TRAK1: variants seen among roughly 807,000 people sequenced by gnomAD.
The protein encoded by TRAK1 is trafficking kinesin-binding protein 1.
In TRAK1, 33 loss-of-function variants were observed where a neutral mutation model predicts 92.1. That is an observed-to-expected ratio of 0.36 (90% CI 0.27 to 0.48). TRAK1 has a LOEUF of 0.48. TRAK1 is among the 20% of genes least tolerant of loss of function. The pLI is 0.99. For synonymous variants in TRAK1, 521 were observed against 517.3 expected, an observed-to-expected ratio of 1.01 and a Z score of -0.10; for missense variants, 1,123 against 1,257.9, an observed-to-expected ratio of 0.89 and a Z score of 1.62.
At chr3:42,123,643 G>A (rs1412608556) in intron 1 of TRAK1, among the ~76,000 whole-genome samples, 2 of 152,084 alleles carry the variant, frequency 1.3e-5, no homozygotes, top group African/African-American at 4.8e-5. Flanking sequence ...CATACTTTTG[G>A]TTCGTCCTCA....
At chr3:42,022,871 A>G (rs999012794) in intron 1 of TRAK1, among the ~76,000 whole-genome samples, 3 of 152,046 alleles carry the variant, frequency 2.0e-5, no homozygotes, top group Non-Finnish European at 4.4e-5. Context: ...GAAAATAAAT[A>G]TTCCTGGCCA....
At chr3:42,053,349 A>G (rs1703057067) in intron 1 of TRAK1, among the ~76,000 whole-genome samples, 1 of 123,598 alleles carries the variant, frequency 8.1e-6, no homozygotes, top group Non-Finnish European at 1.6e-5. Flanking sequence ...CAGAGAGAAA[A>G]GACTGCAGTC....
rs117081333 is a variant in TRAK1, at chr3:42,150,702, G to A, written c.286+25088G>A. Reference sequence around the variant, plus strand: ...TATCTCTTATCCACTGATTTTTGCCGCGACTGTGGGTTAAGGCTTTCTCAG... The same window carrying A: ...TATCTCTTATCCACTGATTTTTGCCACGACTGTGGGTTAAGGCTTTCTCAG... On this transcript the variant is annotated intron_variant, in intron 2 of 15. Transcript: ENST00000327628. Among the ~76,000 whole-genome samples the A allele has an allele frequency of 1.2e-3, 176 of 152,222 alleles. 1 individual carries two copies. In the South Asian group the frequency reaches 0.015, roughly 13 times the overall value.
intron 1 of TRAK1, among the ~76,000 whole-genome samples, chr3:42,092,850 T>A (rs1199418460): frequency 6.6e-6 from 1 of 152,110 alleles, no homozygotes; most frequent in Non-Finnish European, 1.5e-5. Context: ...CCTCCCAAAG[T>A]GCTGGGATTA....
intron 2 of TRAK1, among the ~76,000 whole-genome samples, chr3:42,175,308 G>A (rs1024336877): frequency 3.3e-5 from 5 of 152,300 alleles, no homozygotes; most frequent in Admixed American, 1.3e-4. Context: ...AGACTAACTC[G>A]GGTTGGTAGC....
intron 1 of TRAK1, among the ~76,000 whole-genome samples, chr3:42,071,697 A>C (rs1359716701): frequency 1.3e-5 from 2 of 150,534 alleles, no homozygotes; most frequent in African/African-American, 4.9e-5. Context: ...GACAAGCGAA[A>C]GTCTGTCTCA....
At chr3:42,109,465 G>A (rs1276736306) in intron 1 of TRAK1, among the ~76,000 whole-genome samples, 1 of 152,222 alleles carries the variant, frequency 6.6e-6, no homozygotes, top group Non-Finnish European at 1.5e-5. Flanking sequence ...AACTGTGAAA[G>A]TGCTAGAGGA....
At chr3:42,099,833 G>C (rs1706482579) in intron 1 of TRAK1, among the ~76,000 whole-genome samples, 1 of 152,186 alleles carries the variant, frequency 6.6e-6, no homozygotes, top group African/African-American at 2.4e-5. Context: ...TATGTGAGTA[G>C]AAATGAGAAG....
intron 1 of TRAK1, among the ~76,000 whole-genome samples, chr3:42,032,711 A>C (rs73075261): frequency 0.13 from 20,064 of 152,158 alleles, 1,690 homozygotes; most frequent in Admixed American, 0.22. Flanking sequence ...CCCATAAAAC[A>C]AGTGTGGTAG....
intron 2 of TRAK1, among the ~76,000 whole-genome samples, chr3:42,153,450 C>T (rs189243035): frequency 1.2e-3 from 186 of 152,142 alleles, no homozygotes; most frequent in African/African-American, 4.1e-3. Context: ...AGCATTTTGA[C>T]CACCTGTTTG....
intron 1 of TRAK1, among the ~76,000 whole-genome samples, chr3:42,047,504 TA>T (rs1198610373): frequency 6.6e-6 from 1 of 152,036 alleles, no homozygotes; most frequent in Admixed American, 6.6e-5. Context: ...CATCTGGCCA[TA>T]AAAGCTGATC....
chr3:42,046,728 G>T (rs1702766386), intron 1 of TRAK1, among the ~76,000 whole-genome samples: 1 of 152,192 alleles, frequency 6.6e-6, no homozygotes, highest in South Asian at 2.1e-4. Context: ...GTGTCTGCTA[G>T]AATTTATAGT....
At chr3:42,180,677 CAA>C (rs33959095) in intron 3 of TRAK1, among the ~76,000 whole-genome samples, 28 of 87,094 alleles carry the variant, frequency 3.2e-4, no homozygotes, top group Non-Finnish European at 3.8e-4. Context: ...AGACCTGTCT[CAA>C]AAAAAAAAAA....
chr3:42,042,026 A>G (rs1455734536), intron 1 of TRAK1, among the ~76,000 whole-genome samples: 1 of 152,208 alleles, frequency 6.6e-6, no homozygotes, highest in Non-Finnish European at 1.5e-5. Context: ...TCCCAACCTC[A>G]GGTGATCCGC....
At position 42,157,456 on chromosome 3, in the gene TRAK1, T is replaced by TGAAAAAAAA. The variant is rs1700669173; in HGVS notation, c.287-19358_287-19357insGAAAAAAAA. Among the ~76,000 whole-genome samples, 2 of 3,892 alleles carry TGAAAAAAAA rather than the reference T, an allele frequency of 5.1e-4. 1 individual carries two copies. 2.6% of individuals were successfully genotyped at this position (3,892 alleles called of 152,430 possible). A position where few individuals can be genotyped will look rare whatever the true frequency, so the allele number is the denominator to read the frequency against. ...CTGGGCAACAGAATGAGACCCTGTC[T>TGAAAAAAAA]CAAAAAAAAAAAAAAAAAAAAAAAA... On this transcript the variant is annotated intron_variant, in intron 2 of 15. Coordinates refer to ENST00000327628, the MANE Select transcript of TRAK1 (RefSeq NM_001042646.3).
At chr3:42,043,987 G>A (rs375750161) in intron 1 of TRAK1, among the ~76,000 whole-genome samples, 2 of 152,320 alleles carry the variant, frequency 1.3e-5, no homozygotes, top group East Asian at 1.9e-4. Context: ...GGGAACTCAT[G>A]TGTTTGTCAT....
chr3:42,210,753 C>A (rs1460859587), intron 14 of TRAK1: 1 of 985,518 alleles, frequency 1.0e-6, no homozygotes, highest in African/African-American at 1.7e-5. Flanking sequence ...TTTAGCAATA[C>A]TCCTTAACCA....
At chr3:42,134,814 C>T (rs1697728753) in intron 2 of TRAK1, among the ~76,000 whole-genome samples, 1 of 150,176 alleles carries the variant, frequency 6.7e-6, no homozygotes, top group Non-Finnish European at 1.5e-5. Flanking sequence ...CTCCTGACCT[C>T]GTGATCCACC....
chr3:42,168,296 C>T (rs1702123486), intron 2 of TRAK1, among the ~76,000 whole-genome samples: 1 of 152,114 alleles, frequency 6.6e-6, no homozygotes, highest in Non-Finnish European at 1.5e-5. Context: ...CAAGGAAGTC[C>T]AAGTCAAGGG....
Sources: allele counts gnomAD v4.1 joint callset (sites outside exome capture counted in the v4.1 genomes callset), GRCh38; gene constraint gnomAD v4.1.1; transcripts MANE v1.5; gene names NCBI Gene and HGNC (gene_info 2026-07-23, HGNC 2026-07-21).